Variants in PLCB4 observed in about 807,000 individuals in gnomAD.
PLCB4 encodes 1-phosphatidylinositol 4,5-bisphosphate phosphodiesterase beta-4.
PLCB4 carries 77 observed loss-of-function variants against 178.8 expected under a neutral mutation model. That is an observed-to-expected ratio of 0.43 (90% CI 0.36 to 0.52). PLCB4 has a LOEUF of 0.52. Ranked by LOEUF, PLCB4 falls within the 20% of genes least tolerant of loss-of-function variation. PLCB4 has a pLI of 0.00. For synonymous variants in PLCB4, 496 were observed against 490.8 expected, an observed-to-expected ratio of 1.01 and a Z score of -0.14; for missense variants, 1,024 against 1,453.4, an observed-to-expected ratio of 0.70 and a Z score of 4.80.
At chr20:9,121,252 A>G (rs558252384) in intron 2 of PLCB4, among the ~76,000 whole-genome samples, 1 of 152,126 alleles carries the variant, frequency 6.6e-6, no homozygotes, top group Non-Finnish European at 1.5e-5. Flanking sequence ...TTAGTCCCTG[A>G]TATGGAATAT....
chr20:9,445,686 A>C (rs993233823), intron 32 of PLCB4, among the ~76,000 whole-genome samples: 7 of 152,224 alleles, frequency 4.6e-5, no homozygotes, highest in African/African-American at 7.2e-5. Context: ...GAATAATTCC[A>C]TTCAGTGAAA....
At chr20:9,251,813 C>T (rs532516640) in intron 3 of PLCB4, among the ~76,000 whole-genome samples, 1 of 152,236 alleles carries the variant, frequency 6.6e-6, no homozygotes, top group African/African-American at 2.4e-5. Context: ...CATAATTTAA[C>T]ATTTCCTAAT....
chr20:9,448,078 C>A (rs781522584), intron 32 of PLCB4, among the ~76,000 whole-genome samples: 1 of 152,120 alleles, frequency 6.6e-6, no homozygotes, highest in Non-Finnish European at 1.5e-5. Context: ...AACTCCTCTC[C>A]TCTGCATGCT....
rs191607004 is a variant in PLCB4 at position 9,210,028 on chromosome 20, C to T, written c.-78-7362C>T. Among the ~76,000 whole-genome samples, 16 of 150,550 alleles carry T rather than the reference C, an allele frequency of 1.1e-4. No homozygotes were observed. In the East Asian group the frequency reaches 2.9e-3, roughly 28 times the overall value. On this transcript the variant is annotated intron_variant, in intron 2 of 39. Transcript: ENST00000378473. Reference sequence around the variant, plus strand: ...CCAGAAACGATGTCTGGACTCCTGACCTACAGAGCTATGAGCTAATGAATG... The same window carrying T: ...CCAGAAACGATGTCTGGACTCCTGATCTACAGAGCTATGAGCTAATGAATG...
intron 27 of PLCB4, among the ~76,000 whole-genome samples, chr20:9,422,707 A>G (rs560407328): frequency 6.6e-6 from 1 of 152,312 alleles, no homozygotes; most frequent in South Asian, 2.1e-4. Context: ...TTTCATTGCT[A>G]GCAAGTGCTT....
intron 2 of PLCB4, among the ~76,000 whole-genome samples, chr20:9,209,963 C>CAAA (rs58424232): frequency 8.0e-4 from 38 of 47,622 alleles, no homozygotes; most frequent in East Asian, 1.4e-3. Context: ...GACTCTGTCT[C>CAAA]AAAAAAAAAA....
At chr20:9,395,687 G>C (rs1224435559) in intron 19 of PLCB4, 69 bp downstream of exon 19, 5 of 1,119,896 alleles carry the variant, frequency 4.5e-6, no homozygotes, top group Admixed American at 3.9e-5. Flanking sequence ...AACCAGGCTG[G>C]GCACAGTGGC....
rs777301809 is a variant in PLCB4 at position 9,380,069 on chromosome 20, C to T, written c.760C>T (p.Arg254Ter). 1.3e-6 allele frequency: 2 copies of T among 1,579,366 alleles called. No homozygotes were observed. Among genetic ancestry groups the T allele is most frequent in the Non-Finnish European group, 1.7e-6 (2 of 1,152,918 alleles). ...SFLNEHQRDPRLNEILFPFYD... is the reference protein window; with the variant it reads ...SFLNEHQRDP Reference sequence around the variant, plus strand: ...CTTATCATAGCATCAACGAGATCCTCGATTGAATGAAATTTTATTTCCATT... The same window carrying T: ...CTTATCATAGCATCAACGAGATCCTTGATTGAATGAAATTTTATTTCCATT... Residue 254 changes from arginine (R) to a stop codon, truncating the protein, a stop_gained, in exon 13 of 40, where the codon CGA (arginine) becomes TGA (stop). Coordinates refer to ENST00000378473, the MANE Select transcript of PLCB4 (RefSeq NM_001377142.1). LOFTEE classifies it high-confidence loss of function.
chr20:9,281,866 A>G (rs993780846), intron 3 of PLCB4, among the ~76,000 whole-genome samples: 22 of 152,004 alleles, frequency 1.4e-4, no homozygotes, highest in African/African-American at 5.1e-4. Context: ...ATTTATCTAG[A>G]TATCAACTTA....
intron 2 of PLCB4, among the ~76,000 whole-genome samples, chr20:9,157,636 A>C (rs1339426596): frequency 1.3e-5 from 2 of 152,286 alleles, no homozygotes; most frequent in East Asian, 3.9e-4. Flanking sequence ...AAAACAACAA[A>C]ATGAGCTTTC....
In PLCB4 at chr20:9,402,298, C is replaced by A. The variant is rs138349042; in HGVS notation, c.1611+708C>A. 1.8e-4 allele frequency among the ~76,000 whole-genome samples: 28 copies of A among 152,256 alleles called. 2 individuals are homozygous for A. In the East Asian group the frequency reaches 5.2e-3, roughly 28 times the overall value. ...ATAAGGAAACCAGAACGCAAAGGGTCAAGAGGAATTGGCCATGCACAGAGG... is the reference window on the plus strand; with the variant it reads ...ATAAGGAAACCAGAACGCAAAGGGTAAAGAGGAATTGGCCATGCACAGAGG... On this transcript the variant is annotated intron_variant, in intron 20 of 39. Transcript: ENST00000378473.
intron 7 of PLCB4, among the ~76,000 whole-genome samples, chr20:9,342,462 A>G (rs1020320290): frequency 2.6e-5 from 4 of 152,146 alleles, no homozygotes; most frequent in African/African-American, 9.7e-5. Context: ...ATGCAATGAG[A>G]AGGTGCATTT....
chr20:9,129,887 C>A (rs1262535329), intron 2 of PLCB4, among the ~76,000 whole-genome samples: 1 of 151,980 alleles, frequency 6.6e-6, no homozygotes, highest in Non-Finnish European at 1.5e-5. Flanking sequence ...ACAAATAGGT[C>A]TTTTGTTGGA....
At chr20:9,152,925 A>G (rs748151951) in intron 2 of PLCB4, among the ~76,000 whole-genome samples, 41 of 152,162 alleles carry the variant, frequency 2.7e-4, no homozygotes, top group Non-Finnish European at 5.3e-4. Context: ...TCTTGTATCA[A>G]TGTGACCTGG....
intron 7 of PLCB4, among the ~76,000 whole-genome samples, chr20:9,349,626 C>T (rs2034145281): frequency 6.6e-6 from 1 of 152,082 alleles, no homozygotes; most frequent in Admixed American, 6.6e-5. Context: ...ATGAACTTGA[C>T]AGGTTTCATA....
intron 4 of PLCB4, among the ~76,000 whole-genome samples, chr20:9,330,181 A>C (rs1601883019): frequency 6.6e-6 from 1 of 152,300 alleles, no homozygotes; most frequent in Non-Finnish European, 1.5e-5. Context: ...CTCTTGGTTA[A>C]TTCCAAACCA....
At chr20:9,148,384 A>G (rs2092635443) in intron 2 of PLCB4, among the ~76,000 whole-genome samples, 1 of 152,178 alleles carries the variant, frequency 6.6e-6, no homozygotes, top group Non-Finnish European at 1.5e-5. Flanking sequence ...TGAAATAGGA[A>G]GAATAGAGAG....
chr20:9,085,132 C>T (rs2090346881), intron 1 of PLCB4, among the ~76,000 whole-genome samples: 1 of 151,378 alleles, frequency 6.6e-6, no homozygotes, highest in South Asian at 2.1e-4. Context: ...CAGTATGGTG[C>T]TATTTTATTA....
At chr20:9,268,626 A>T (rs779008384) in intron 3 of PLCB4, among the ~76,000 whole-genome samples, 3 of 152,152 alleles carry the variant, frequency 2.0e-5, no homozygotes, top group Admixed American at 1.3e-4. Flanking sequence ...GATAAACATC[A>T]GTGCCCTCTT....
Sources: allele counts gnomAD v4.1 joint callset (sites outside exome capture counted in the v4.1 genomes callset), GRCh38; gene constraint gnomAD v4.1.1; transcripts MANE v1.5; gene names NCBI Gene and HGNC (gene_info 2026-07-23, HGNC 2026-07-21).